The following ANO4 variants were observed in gnomAD, a reference collection of about 807,000 sequenced individuals.
ANO4 encodes anoctamin 4.
Under a neutral mutation model 141.9 loss-of-function variants are expected in ANO4, and 69 were observed. The ratio of observed to expected loss-of-function variants is 0.49; its 90% CI spans 0.40 to 0.59. The LOEUF (loss-of-function observed/expected upper bound fraction) is 0.59, where lower values mean the gene tolerates loss of function less well. Among genes scored for constraint, ANO4 ranks in the 20% least tolerant of loss-of-function variants. ANO4 has a pLI of 0.00. For synonymous variants in ANO4, 350 were observed against 394.3 expected (o/e 0.89, Z 1.33); for missense variants, 894 against 1,162.2 (o/e 0.77, Z 3.36).
intron 7 of ANO4, among the ~76,000 whole-genome samples, chr12:100,980,474 G>A (rs1303640917): frequency 1.3e-5 from 2 of 152,142 alleles, no homozygotes; most frequent in African/African-American, 4.8e-5. Context: ...TTGCCATCTA[G>A]TAGTACATCA....
At chr12:100,910,215 T>C (rs951978452) in intron 2 of ANO4, among the ~76,000 whole-genome samples, 5 of 152,190 alleles carry the variant, frequency 3.3e-5, no homozygotes, top group African/African-American at 1.2e-4. Context: ...AATAAATGGT[T>C]GATAAATAAA....
intron 8 of ANO4, among the ~76,000 whole-genome samples, chr12:101,004,910 CAG>C (rs1431673180): frequency 2.6e-5 from 4 of 152,222 alleles, no homozygotes; most frequent in South Asian, 2.1e-4. Context: ...GCAATGAAAA[CAG>C]GGGGATCATG....
intron 3 of ANO4, 49 bp from the exon 4 acceptor site, chr12:100,939,266 A>G (rs2042408507): frequency 7.7e-6 from 12 of 1,566,946 alleles, no homozygotes; most frequent in East Asian, 2.3e-5. Context: ...CATTGCTTTC[A>G]AGATCCCAGA....
At position 101,073,566 on chromosome 12, in the gene ANO4, T is replaced by TATAATAATAATAATAATAATA. The variant is rs55723203; in HGVS notation, c.1313-5616_1313-5596dup. Among the ~76,000 whole-genome samples the TATAATAATAATAATAATAATA allele has an allele frequency of 1.1e-3, 160 of 143,634 alleles. 1 individual carries two copies. Among genetic ancestry groups the TATAATAATAATAATAATAATA allele is most frequent in the Admixed American group, 3.1e-3 (44 of 14,230 alleles). 94.2% of individuals were successfully genotyped at this position (143,634 alleles called of 152,430 possible). A position where few individuals can be genotyped will look rare whatever the true frequency, so the allele number is the denominator to read the frequency against. On this transcript the variant is annotated intron_variant, in intron 14 of 27. Transcript: ENST00000392977. Reference sequence around the variant, plus strand: ...TGCACATATACCCTAGAACTTAAAGTATAATAATAATAATAATAATAATAA... The same window carrying TATAATAATAATAATAATAATA: ...TGCACATATACCCTAGAACTTAAAGTATAATAATAATAATAATAATAATAATAATAATAATAATAATAATAA...
chr12:100,981,815 G>A (rs2044476302), intron 7 of ANO4, among the ~76,000 whole-genome samples: 1 of 152,134 alleles, frequency 6.6e-6, no homozygotes, highest in Non-Finnish European at 1.5e-5. Context: ...TGACAGGTTA[G>A]CATGTTGGGA....
At chr12:100,786,037 G>T (rs1216702156) in intron 3 of ANO4, among the ~76,000 whole-genome samples, 1 of 152,126 alleles carries the variant, frequency 6.6e-6, no homozygotes, top group Non-Finnish European at 1.5e-5. Flanking sequence ...TCAAGTAATA[G>T]AACTTGAAAT....
At chr12:100,778,238 G>C (rs962482276) in intron 3 of ANO4, among the ~76,000 whole-genome samples, 2 of 152,092 alleles carry the variant, frequency 1.3e-5, no homozygotes, top group Non-Finnish European at 2.9e-5. Flanking sequence ...TAAAATTTTT[G>C]AAACATCATT....
intron 16 of ANO4, among the ~76,000 whole-genome samples, chr12:101,085,730 T>C (rs1465146059): frequency 6.6e-6 from 1 of 152,168 alleles, no homozygotes; most frequent in Non-Finnish European, 1.5e-5. Context: ...TCAGTCTGTG[T>C]GAATATCAGA....
chr12:100,950,888 C>G (rs2042945092), intron 5 of ANO4, among the ~76,000 whole-genome samples: 2 of 152,092 alleles, frequency 1.3e-5, no homozygotes, highest in Non-Finnish European at 2.9e-5. Flanking sequence ...TTTTGAGATG[C>G]CAGCAAACAT....
At chr12:100,731,843 G>A (rs1470039843) in intron 1 of ANO4, among the ~76,000 whole-genome samples, 1 of 152,060 alleles carries the variant, frequency 6.6e-6, no homozygotes, top group Non-Finnish European at 1.5e-5. Context: ...TCATTTTAGT[G>A]TTGAATAATA....
At chr12:100,844,481 AG>A (rs1170006813) in intron 1 of ANO4, among the ~76,000 whole-genome samples, 2 of 152,058 alleles carry the variant, frequency 1.3e-5, no homozygotes, top group Non-Finnish European at 2.9e-5. Flanking sequence ...CAGGAGAAAA[AG>A]GGTGGTGGAT....
intron 1 of ANO4, among the ~76,000 whole-genome samples, chr12:100,848,564 T>G (rs2037702565): frequency 6.6e-6 from 1 of 152,204 alleles, no homozygotes; most frequent in Non-Finnish European, 1.5e-5. Context: ...CCCAAATGCT[T>G]GAAACCCTTT....
intron 1 of ANO4, among the ~76,000 whole-genome samples, chr12:100,857,590 G>C (rs1433837203): frequency 6.6e-6 from 1 of 152,102 alleles, no homozygotes; most frequent in Non-Finnish European, 1.5e-5. Context: ...GCCTCCCCAT[G>C]AAGCTGATAC....
chr12:100,891,289 G>T (rs577058602), intron 1 of ANO4, among the ~76,000 whole-genome samples: 3 of 152,168 alleles, frequency 2.0e-5, no homozygotes, highest in Non-Finnish European at 4.4e-5. Context: ...ACATTCATGC[G>T]CAGGTTTCTG....
chr12:101,073,464 C>T (rs35305646), intron 14 of ANO4, among the ~76,000 whole-genome samples: 1 of 151,746 alleles, frequency 6.6e-6, no homozygotes, highest in Non-Finnish European at 1.5e-5. Context: ...GGAGAAATAC[C>T]TAATGTAAAT....
chr12:100,869,032 T>G (rs1412783962), intron 1 of ANO4, among the ~76,000 whole-genome samples: 1 of 152,190 alleles, frequency 6.6e-6, no homozygotes, highest in Non-Finnish European at 1.5e-5. Context: ...TTGAACCACA[T>G]AAACACAGAC....
chr12:100,903,116 C>T (rs1485179324), intron 2 of ANO4, among the ~76,000 whole-genome samples: 2 of 152,270 alleles, frequency 1.3e-5, no homozygotes, highest in Non-Finnish European at 2.9e-5. Context: ...GAGTAACCAA[C>T]ACAATCTGGT....
Position 100,824,055 on chromosome 12 carries a change from G to A in ANO4, c.-141+29028G>A, listed in dbSNP as rs557919470. On this transcript the variant is annotated intron_variant, in intron 1 of 27. Transcript: ENST00000392977. Reference sequence around the variant, plus strand: ...CTTGAGCATTTTTCTGGATATGAGTGGGCAGATGAGTAATAGAAAAATAAC... The same window carrying A: ...CTTGAGCATTTTTCTGGATATGAGTAGGCAGATGAGTAATAGAAAAATAAC... Among the ~76,000 whole-genome samples, 16 of 152,068 alleles carry A rather than the reference G, an allele frequency of 1.1e-4. No homozygotes were observed. The East Asian group carries it at 3.1e-3, about 30-fold the overall frequency.
intron 1 of ANO4, among the ~76,000 whole-genome samples, chr12:100,818,238 C>A (rs1261238074): frequency 2.0e-5 from 3 of 151,780 alleles, no homozygotes; most frequent in Non-Finnish European, 4.4e-5. Flanking sequence ...ACAAGTAATT[C>A]TTGTTAAACA....
Sources: gnomAD v4.1 joint callset for allele counts (sites outside exome capture counted in the v4.1 genomes callset) on GRCh38, gnomAD v4.1.1 for gene constraint, MANE v1.5 for transcripts, NCBI Gene and HGNC (gene_info 2026-07-23, HGNC 2026-07-21) for gene names.